The following GALNT2 variants were observed in gnomAD, a reference collection of about 807,000 sequenced individuals.
GALNT2 encodes UDP-GalNAc:polypeptide N-acetylgalactosaminyltransferase 2.
GALNT2 carries 31 observed loss-of-function variants against 81.4 expected under a neutral mutation model. That is an observed-to-expected ratio of 0.38 (90% CI 0.29 to 0.51). GALNT2 has a LOEUF of 0.51. Ranked by LOEUF, GALNT2 falls within the 20% of genes least tolerant of loss-of-function variation. The pLI, the probability that GALNT2 is intolerant of heterozygous loss-of-function variation, is 0.87. For synonymous variants in GALNT2, 303 were observed against 287.4 expected (o/e 1.05, Z -0.55); for missense variants, 629 against 765.7 (o/e 0.82, Z 2.11).
chr1:230,205,931 A>G (rs373092146), intron 3 of GALNT2, among the ~76,000 whole-genome samples: 130 of 152,316 alleles, frequency 8.5e-4, no homozygotes, highest in African/African-American at 2.9e-3. Context: ...TTGCCCAGTG[A>G]TTAAGAGCTA....
chr1:230,198,106 C>T (rs570302864), intron 2 of GALNT2, among the ~76,000 whole-genome samples: 1 of 152,242 alleles, frequency 6.6e-6, no homozygotes, highest in Non-Finnish European at 1.5e-5. Flanking sequence ...CTCCCAGTCA[C>T]GCGCAGGATT....
intron 3 of GALNT2, among the ~76,000 whole-genome samples, chr1:230,233,775 A>G (rs1664938619): frequency 6.6e-6 from 1 of 152,196 alleles, no homozygotes. Flanking sequence ...TAATGTGCAA[A>G]TGTGCACAGG....
chr1:230,161,498 A>G (rs1028549448), intron 1 of GALNT2, among the ~76,000 whole-genome samples: 1 of 152,166 alleles, frequency 6.6e-6, no homozygotes, highest in Non-Finnish European at 1.5e-5. Flanking sequence ...CTTCCAATCC[A>G]CTGCAGTCCA....
intron 3 of GALNT2, among the ~76,000 whole-genome samples, chr1:230,210,077 G>A (rs544320810): frequency 2.6e-5 from 4 of 152,148 alleles, no homozygotes; most frequent in African/African-American, 4.8e-5. Context: ...AGTGTGCTGC[G>A]CTTAGGAAGT....
chr1:230,105,136 C>G (rs1282939668), intron 1 of GALNT2, among the ~76,000 whole-genome samples: 2 of 152,170 alleles, frequency 1.3e-5, no homozygotes, highest in Non-Finnish European at 2.9e-5. Context: ...TTTAGCCAGC[C>G]TTCCTTTTCC....
At position 230,081,097 on chromosome 1, in the gene GALNT2, C is replaced by T. The variant is rs1032908180; in HGVS notation, c.126+13691C>T. On this transcript the variant is annotated intron_variant, in intron 1 of 15. Coordinates refer to ENST00000366672, the MANE Select transcript of GALNT2 (RefSeq NM_004481.5). Reference sequence around the variant, plus strand: ...TTTCCTCGAAAGCGCCTCCAGCCTCCGCAGACCATGCCTGAAACTGTCATT... The same window carrying T: ...TTTCCTCGAAAGCGCCTCCAGCCTCTGCAGACCATGCCTGAAACTGTCATT... 7.2e-5 allele frequency among the ~76,000 whole-genome samples: 11 copies of T among 152,178 alleles called. 1 individual carries two copies. Among genetic ancestry groups the T allele is most frequent in the South Asian group, 6.2e-4 (3 of 4,824 alleles).
At chr1:230,077,403 C>T (rs1002119183) in intron 1 of GALNT2, among the ~76,000 whole-genome samples, 13 of 152,126 alleles carry the variant, frequency 8.5e-5, no homozygotes, top group East Asian at 1.9e-4. Flanking sequence ...TCATCAATTC[C>T]GAGAGGCCAT....
At chr1:230,157,488 A>G (rs1237494232) in intron 1 of GALNT2, among the ~76,000 whole-genome samples, 2 of 152,186 alleles carry the variant, frequency 1.3e-5, no homozygotes, top group East Asian at 3.8e-4. Flanking sequence ...ACCCTTAGAT[A>G]TTATCCAAGG....
At chr1:230,265,555 C>G (rs1056413773) in intron 14 of GALNT2, among the ~76,000 whole-genome samples, 188 bp downstream of exon 14, 1 of 152,206 alleles carries the variant, frequency 6.6e-6, no homozygotes, top group Non-Finnish European at 1.5e-5. Context: ...ATGTCACACA[C>G]TTTGGTGCAT....
At chr1:230,093,848 A>G (rs941851134) in intron 1 of GALNT2, among the ~76,000 whole-genome samples, 2 of 152,196 alleles carry the variant, frequency 1.3e-5, no homozygotes, top group Non-Finnish European at 2.9e-5. Flanking sequence ...GTTTTGTGTA[A>G]GTGCATGCTA....
intron 3 of GALNT2, among the ~76,000 whole-genome samples, chr1:230,221,513 A>T (rs1664546442): frequency 6.6e-6 from 1 of 152,206 alleles, no homozygotes; most frequent in Non-Finnish European, 1.5e-5. Context: ...GTGGCCAGCC[A>T]GCCTGCCTGC....
chr1:230,250,940 A>G (rs886230332), intron 10 of GALNT2, among the ~76,000 whole-genome samples: 5 of 152,172 alleles, frequency 3.3e-5, no homozygotes, highest in Admixed American at 6.5e-5. Flanking sequence ...GGCTGGTGGG[A>G]TTGATTGAAT....
intron 1 of GALNT2, among the ~76,000 whole-genome samples, chr1:230,114,397 C>T (rs1283572427): frequency 1.3e-5 from 2 of 152,218 alleles, no homozygotes; most frequent in African/African-American, 4.8e-5. Flanking sequence ...TTGGGAATTT[C>T]ACTGGCGAAA....
At chr1:230,177,439 G>T (rs1357658778) in intron 1 of GALNT2, among the ~76,000 whole-genome samples, 1 of 152,196 alleles carries the variant, frequency 6.6e-6, no homozygotes, top group Non-Finnish European at 1.5e-5. Flanking sequence ...TTCTGATTTG[G>T]GTTATATACA....
intron 2 of GALNT2, among the ~76,000 whole-genome samples, chr1:230,195,750 C>T (rs1463886892): frequency 1.3e-5 from 2 of 152,080 alleles, no homozygotes; most frequent in African/African-American, 2.4e-5. Flanking sequence ...GCCCGCACCG[C>T]CACAGATTCC....
chr1:230,155,102 G>A (rs1385373096), intron 1 of GALNT2, among the ~76,000 whole-genome samples: 1 of 152,314 alleles, frequency 6.6e-6, no homozygotes, highest in East Asian at 1.9e-4. Context: ...CGCGCCGCAT[G>A]CACCCCCCAC....
intron 1 of GALNT2, among the ~76,000 whole-genome samples, chr1:230,147,658 G>A (rs1661962296): frequency 3.9e-5 from 6 of 152,220 alleles, no homozygotes; most frequent in Admixed American, 3.9e-4. Flanking sequence ...TAGTGGTGTG[G>A]CCACATTCCC....
At chr1:230,220,790 G>T (rs967255307) in intron 3 of GALNT2, among the ~76,000 whole-genome samples, 1 of 152,084 alleles carries the variant, frequency 6.6e-6, no homozygotes, top group Non-Finnish European at 1.5e-5. Context: ...ATGATGTGAC[G>T]GTGATGCTAA....
chr1:230,103,858 C>T (rs1158615507), intron 1 of GALNT2, among the ~76,000 whole-genome samples: 1 of 152,188 alleles, frequency 6.6e-6, no homozygotes, highest in Non-Finnish European at 1.5e-5. Context: ...ATTCATTCCT[C>T]CCCTTCTCCT....
Sources: gnomAD v4.1 joint callset for allele counts (sites outside exome capture counted in the v4.1 genomes callset) on GRCh38, gnomAD v4.1.1 for gene constraint, MANE v1.5 for transcripts, NCBI Gene and HGNC (gene_info 2026-07-23, HGNC 2026-07-21) for gene names.